NEGR1: variants seen among roughly 807,000 people sequenced by gnomAD.
The protein encoded by NEGR1 is neuronal growth regulator 1, also known as IgLON family member 4.
A neutral mutation model predicts 40.9 loss-of-function variants in NEGR1; 10 were observed. The ratio of observed to expected loss-of-function variants is 0.24; its 90% CI spans 0.15 to 0.42. NEGR1 has a LOEUF of 0.42. Ranked by LOEUF, NEGR1 falls within the 10% of genes least tolerant of loss-of-function variation. The pLI is 1.00. For missense variants in NEGR1, 352 were observed against 438.9 expected (o/e 0.80, Z 1.77); for synonymous variants, 185 against 166.8 (o/e 1.11, Z -0.84).
At chr1:71,785,327 A>G (rs1192181620) in intron 2 of NEGR1, among the ~76,000 whole-genome samples, 2 of 152,210 alleles carry the variant, frequency 1.3e-5, no homozygotes, top group African/African-American at 2.4e-5. Context: ...CGCAATTGAA[A>G]TACCTTACAG....
chr1:72,245,591 T>A (rs1478153559), intron 1 of NEGR1, among the ~76,000 whole-genome samples: 2 of 152,152 alleles, frequency 1.3e-5, no homozygotes, highest in Non-Finnish European at 2.9e-5. Context: ...CATTTCAAAC[T>A]AATATAGAAG....
At chr1:71,811,858 A>AT (rs559784147) in intron 2 of NEGR1, among the ~76,000 whole-genome samples, 8 of 137,550 alleles carry the variant, frequency 5.8e-5, no homozygotes, top group African/African-American at 8.4e-5. Flanking sequence ...AGTTCTATTT[A>AT]TTTATTTTAT....
chr1:72,075,254 GT>G (rs1458894292), intron 1 of NEGR1, among the ~76,000 whole-genome samples: 2 of 152,074 alleles, frequency 1.3e-5, no homozygotes, highest in Non-Finnish European at 2.9e-5. Context: ...AGATGGTACA[GT>G]TTTTACAATT....
chr1:71,670,535 A>G (rs1652384806), intron 4 of NEGR1, among the ~76,000 whole-genome samples: 1 of 152,046 alleles, frequency 6.6e-6, no homozygotes, highest in African/African-American at 2.4e-5. Flanking sequence ...TGAGTCAAAC[A>G]ATTTTAATAA....
At chr1:71,434,929 A>C (rs2101301845) in intron 6 of NEGR1, among the ~76,000 whole-genome samples, 1 of 152,250 alleles carries the variant, frequency 6.6e-6, no homozygotes, top group African/African-American at 2.4e-5. Context: ...GTCTCTACTA[A>C]AAATACAAAA....
chr1:71,522,544 A>T (rs1264385275), intron 6 of NEGR1, among the ~76,000 whole-genome samples: 1 of 151,904 alleles, frequency 6.6e-6, no homozygotes. Flanking sequence ...TATGAATGAA[A>T]TACAAAGATT....
At chr1:72,075,700 G>C (rs1028292033) in intron 1 of NEGR1, among the ~76,000 whole-genome samples, 4 of 152,092 alleles carry the variant, frequency 2.6e-5, no homozygotes, top group African/African-American at 9.7e-5. Context: ...AGTATATTTT[G>C]GTTTAGCCTT....
At chr1:72,001,819 G>A (rs996655361) in intron 1 of NEGR1, among the ~76,000 whole-genome samples, 1 of 151,796 alleles carries the variant, frequency 6.6e-6, no homozygotes. Flanking sequence ...CTTCCTAGAG[G>A]CTACCCTAAA....
At chr1:71,426,221 T>G (rs1475911358) in intron 6 of NEGR1, among the ~76,000 whole-genome samples, 1 of 152,178 alleles carries the variant, frequency 6.6e-6, no homozygotes, top group African/African-American at 2.4e-5. Flanking sequence ...TTCTTTTACT[T>G]GTGCCATTTC....
At chr1:71,912,803 TAC>T (rs1287344442) in intron 2 of NEGR1, among the ~76,000 whole-genome samples, 1 of 140,934 alleles carries the variant, frequency 7.1e-6, no homozygotes, top group Non-Finnish European at 1.6e-5. Flanking sequence ...TAGATGTATG[TAC>T]ATGTGTGTGT....
At position 71,727,285 on chromosome 1, in the gene NEGR1, A is replaced by G. The variant is rs72678924; in HGVS notation, c.536-29146T>C. Among the ~76,000 whole-genome samples, 1,112 of 152,254 alleles carry G rather than the reference A, an allele frequency of 7.3e-3. 5 individuals carry two copies. Among genetic ancestry groups the G allele is most frequent in the Non-Finnish European group, 0.012 (810 of 68,016 alleles). On this transcript the variant is annotated intron_variant, in intron 3 of 6. Transcript: ENST00000357731. ...ATGTTAAGGTGATTTCTAAGTGTGCATAATTTTAATATACCATATAAAAAC... is the reference window on the plus strand; with the variant it reads ...ATGTTAAGGTGATTTCTAAGTGTGCGTAATTTTAATATACCATATAAAAAC...
At chr1:71,937,964 T>C (rs1645923291) in intron 1 of NEGR1, among the ~76,000 whole-genome samples, 1 of 152,082 alleles carries the variant, frequency 6.6e-6, no homozygotes, top group South Asian at 2.1e-4. Flanking sequence ...AATTCTGGCA[T>C]GACATGGGCT....
intron 6 of NEGR1, among the ~76,000 whole-genome samples, chr1:71,451,517 G>T (rs1325704805): frequency 6.6e-6 from 1 of 151,858 alleles, no homozygotes; most frequent in Non-Finnish European, 1.5e-5. Flanking sequence ...TGTATTTTTA[G>T]TAGAGACAGG....
intron 1 of NEGR1, among the ~76,000 whole-genome samples, chr1:72,139,595 A>C (rs889598194): frequency 6.6e-6 from 1 of 152,076 alleles, no homozygotes; most frequent in Non-Finnish European, 1.5e-5. Context: ...ATAGGCAGAC[A>C]ACCTGAATAT....
intron 3 of NEGR1, among the ~76,000 whole-genome samples, chr1:71,715,698 C>T (rs1204373908): frequency 6.6e-6 from 1 of 152,170 alleles, no homozygotes; most frequent in Non-Finnish European, 1.5e-5. Flanking sequence ...TAAAGCATAG[C>T]AAGAGTTGCC....
intron 6 of NEGR1, among the ~76,000 whole-genome samples, chr1:71,554,483 T>G (rs912792335): frequency 1.3e-5 from 2 of 151,460 alleles, no homozygotes; most frequent in African/African-American, 4.8e-5. Flanking sequence ...ATAGAGAATT[T>G]CTGTATTAAG....
intron 6 of NEGR1, among the ~76,000 whole-genome samples, chr1:71,437,416 A>G (rs929347021): frequency 6.6e-6 from 1 of 152,134 alleles, no homozygotes; most frequent in African/African-American, 2.4e-5. Flanking sequence ...ATTGTATCAC[A>G]TGTAAATGAT....
intron 1 of NEGR1, among the ~76,000 whole-genome samples, chr1:72,029,722 T>C (rs1646841208): frequency 1.3e-5 from 2 of 152,168 alleles, no homozygotes; most frequent in Admixed American, 1.3e-4. Flanking sequence ...TTGAATGTCA[T>C]AGAGTAATTC....
intron 1 of NEGR1, among the ~76,000 whole-genome samples, chr1:72,161,185 A>G (rs1329127150): frequency 6.6e-6 from 1 of 150,740 alleles, no homozygotes; most frequent in African/African-American, 2.5e-5. Context: ...TTTAAAGAGC[A>G]CAAGCATACC....
Sources: allele counts gnomAD v4.1 joint callset (sites outside exome capture counted in the v4.1 genomes callset), GRCh38; gene constraint gnomAD v4.1.1; transcripts MANE v1.5; gene names NCBI Gene and HGNC (gene_info 2026-07-23, HGNC 2026-07-21).